The following TAF2 variants were observed in gnomAD, a reference collection of about 807,000 sequenced individuals.
TAF2 encodes transcription initiation factor TFIID subunit 2.
TAF2 carries 61 observed loss-of-function variants against 138.5 expected under a neutral mutation model. That is an observed-to-expected ratio of 0.44 (90% CI 0.36 to 0.54). The LOEUF (loss-of-function observed/expected upper bound fraction) is 0.54, where lower values mean the gene tolerates loss of function less well. TAF2 is among the 20% of genes least tolerant of loss of function. TAF2 has a pLI of 0.00. For synonymous variants in TAF2, 475 were observed against 469.9 expected (o/e 1.01, Z -0.14); for missense variants, 1,090 against 1,427.9 (o/e 0.76, Z 3.81).
At chr8:119,769,171 C>CCTTTT (rs1821653979) in intron 18 of TAF2, among the ~76,000 whole-genome samples, 4 of 152,172 alleles carry the variant, frequency 2.6e-5, no homozygotes, top group African/African-American at 9.7e-5. Context: ...TACCTGGAAG[C>CCTTTT]ACCACCTACT....
intron 20 of TAF2, chr8:119,760,379 T>C (rs1359239872): frequency 3.1e-5 from 15 of 482,404 alleles, no homozygotes; most frequent in African/African-American, 9.9e-5. Context: ...AACTGACTTC[T>C]TGGAAAGGCT....
chr8:119,832,825 T>C lies in TAF2; in HGVS notation c.-261A>G. The C allele has an allele frequency of 2.2e-6, 1 of 451,924 alleles. No individual in the cohort carries two copies. The highest frequency in any genetic ancestry group is 3.9e-6 in the Non-Finnish European group (1 of 253,530). The allele number at this position is 451,924 out of a possible 1,614,324, so 28.0% of individuals were successfully genotyped here. ...GGCTCGAAGCTACCATCCGCCGACA[T>C]CTTGTCTGTAACCTCTGACCTCCGA... On this transcript the variant is annotated 5_prime_UTR_variant, in exon 1 of 26. An upstream start codon of the reference 5' UTR is lost. Coordinates refer to ENST00000378164, the MANE Select transcript of TAF2 (RefSeq NM_003184.4).
Position 119,786,923 on chromosome 8 carries a change from A to C in TAF2, c.1793+1415T>G, listed in dbSNP as rs182695479. 1.1e-3 allele frequency among the ~76,000 whole-genome samples: 174 copies of C among 152,188 alleles called. 1 individual carries two copies. The highest frequency in any genetic ancestry group is 3.9e-3 in the African/African-American group (162 of 41,524). On this transcript the variant is annotated intron_variant, in intron 14 of 25. Transcript: ENST00000378164. ...GTGACAGAGCAAGACTGTCTAAAAA[A>C]ATTAGGTACACCTAAAACCACAAAA... is the stretch of plus-strand genomic sequence containing the variant.
At chr8:119,778,842 T>G (rs181172125) in intron 17 of TAF2, among the ~76,000 whole-genome samples, 34 of 152,306 alleles carry the variant, frequency 2.2e-4, no homozygotes, top group African/African-American at 7.9e-4. Flanking sequence ...AAAACAAAGC[T>G]AATTAAATGC....
Position 119,744,276 on chromosome 8 carries a change from T to A in TAF2, c.3214+12A>T. On this transcript the variant is annotated intron_variant, in intron 24 of 25. Transcript: ENST00000378164. ...CTCCATCTCCTCAATGATTGCAGAA[T>A]ACTAATCTTACCTGGAGTTGACGGC... The A allele has an allele frequency of 1.9e-6, 3 of 1,610,246 alleles. No individual in the cohort carries two copies. In the East Asian group the frequency reaches 6.7e-5, roughly 36 times the overall value.
intron 25 of TAF2, among the ~76,000 whole-genome samples, chr8:119,735,534 A>C (rs967525615): frequency 6.6e-6 from 1 of 152,206 alleles, no homozygotes; most frequent in Non-Finnish European, 1.5e-5. Flanking sequence ...AACAAATCAA[A>C]GTTTCTGTGC....
intron 2 of TAF2, among the ~76,000 whole-genome samples, chr8:119,821,062 T>C (rs183182978): frequency 1.3e-5 from 2 of 152,308 alleles, no homozygotes; most frequent in Admixed American, 1.3e-4. Flanking sequence ...GGGTGGGACA[T>C]AAGAACAGCA....
rs189646223 is a variant in TAF2, at chr8:119,794,513, A to C, written c.1191+1019T>G. Among the ~76,000 whole-genome samples the C allele has an allele frequency of 1.9e-3, 282 of 152,334 alleles. 2 individuals carry two copies. Among genetic ancestry groups the C allele is most frequent in the African/African-American group, 6.4e-3 (267 of 41,578 alleles). Reference sequence around the variant, plus strand: ...AAAAGTGGCAAACAGCATAGAGAAGAAACTAAAAGCCAAGCTGGAATCCTG... The same window carrying C: ...AAAAGTGGCAAACAGCATAGAGAAGCAACTAAAAGCCAAGCTGGAATCCTG... On this transcript the variant is annotated intron_variant, in intron 9 of 25. Coordinates refer to ENST00000378164, the MANE Select transcript of TAF2 (RefSeq NM_003184.4).
intron 22 of TAF2, among the ~76,000 whole-genome samples, chr8:119,754,998 CAT>C (rs1272374159): frequency 2.0e-5 from 3 of 152,186 alleles, no homozygotes; most frequent in Non-Finnish European, 4.4e-5. Flanking sequence ...TTGAGTATTT[CAT>C]ATGAGCCAGA....
chr8:119,803,304 C>T (rs1200717087), intron 5 of TAF2, among the ~76,000 whole-genome samples: 2 of 151,998 alleles, frequency 1.3e-5, no homozygotes, highest in Non-Finnish European at 2.9e-5. Context: ...GTATGTTTTA[C>T]TTCAATATAA....
rs1311267175 is a variant in TAF2 at position 119,731,078 on chromosome 8, T to TTGTGTCA, written c.*839_*845dup. 6.6e-6 allele frequency: 1 copy of TTGTGTCA among 152,174 alleles called. No homozygotes were observed. The highest frequency in any genetic ancestry group is 2.4e-5 in the African/African-American group (1 of 41,450). The allele number at this position is 152,174 out of a possible 1,614,324, so 9.4% of individuals were successfully genotyped here. A position where few individuals can be genotyped will look rare whatever the true frequency, so the allele number is the denominator to read the frequency against. On this transcript the variant is annotated 3_prime_UTR_variant, in exon 26 of 26. Coordinates refer to ENST00000378164, the MANE Select transcript of TAF2 (RefSeq NM_003184.4). ...CTCACCTTTTTAAAGGTATCATACT[T>TTGTGTCA]TGTGTCATATAGAAATAATTTTGGA... is the stretch of plus-strand genomic sequence containing the variant.
chr8:119,816,408 T>C (rs1825480801), intron 3 of TAF2, among the ~76,000 whole-genome samples: 1 of 152,110 alleles, frequency 6.6e-6, no homozygotes, highest in Admixed American at 6.6e-5. Context: ...ACCTTAACTT[T>C]AAAACAAATA....
rs779969737 is a variant in TAF2 at position 119,832,611 on chromosome 8, G to C, written c.-47C>G. 47 of 1,567,570 alleles carry C rather than the reference G, an allele frequency of 3.0e-5. No individual in the cohort carries two copies. The highest frequency in any genetic ancestry group is 1.0e-5 in the Non-Finnish European group (12 of 1,144,976). ...GCTTCCCGGCTTCCTAGGGGGATACGGGGCATTACTAGTCTTTGGCACCTC... is the reference window on the plus strand; with the variant it reads ...GCTTCCCGGCTTCCTAGGGGGATACCGGGCATTACTAGTCTTTGGCACCTC... On this transcript the variant is annotated 5_prime_UTR_variant, in exon 1 of 26. Transcript: ENST00000378164.
intron 25 of TAF2, among the ~76,000 whole-genome samples, chr8:119,740,864 C>G (rs890956789): frequency 3.9e-5 from 6 of 151,972 alleles, no homozygotes; most frequent in African/African-American, 7.3e-5. Context: ...GAGTACTGAA[C>G]AGCAAAAACA....
At chr8:119,781,651 C>T (rs917293406) in intron 16 of TAF2, among the ~76,000 whole-genome samples, 2 of 151,798 alleles carry the variant, frequency 1.3e-5, no homozygotes, top group Non-Finnish European at 1.5e-5. Context: ...CACCATCGCA[C>T]TCCACCCTGG....
At position 119,762,417 on chromosome 8, in the gene TAF2, G is replaced by C. The variant is rs763778109; in HGVS notation, c.2556C>G (p.Val852=). 14 of 1,612,114 alleles carry C rather than the reference G, an allele frequency of 8.7e-6. No individual in the cohort carries two copies. The African/African-American group carries it at 1.7e-4, about 20-fold the overall frequency. ...LLPSYRHTIT[V]SCLRAIRVLQ... is the part of the protein sequence containing the mutation. ...TAAAGTAAGGAATTTAATCATACCT[G>C]ACAGTGATGGTATGCCTGTAACTCG... Residue 852 remains valine, a splice_region_variant and synonymous_variant, in exon 19 of 26, where the codon GTC becomes GTG. Transcript: ENST00000378164.
intron 3 of TAF2, among the ~76,000 whole-genome samples, chr8:119,814,149 G>A (rs1331937384): frequency 6.6e-6 from 1 of 151,642 alleles, no homozygotes; most frequent in Non-Finnish European, 1.5e-5. Context: ...AAAAAATTAA[G>A]AAAAACATAT....
intron 25 of TAF2, among the ~76,000 whole-genome samples, chr8:119,739,744 T>C (rs1003191246): frequency 6.7e-6 from 1 of 150,334 alleles, no homozygotes; most frequent in African/African-American, 2.5e-5. Flanking sequence ...AGGAACAGCA[T>C]AAATGAGTAA....
chr8:119,741,434 A>G (rs1819596622), intron 25 of TAF2, among the ~76,000 whole-genome samples: 1 of 152,244 alleles, frequency 6.6e-6, no homozygotes, highest in African/African-American at 2.4e-5. Context: ...CAAAACCAAA[A>G]GAATACAAAA....
Sources: gnomAD v4.1 joint callset for allele counts (sites outside exome capture counted in the v4.1 genomes callset) on GRCh38, gnomAD v4.1.1 for gene constraint, MANE v1.5 for transcripts, NCBI Gene and HGNC (gene_info 2026-07-23, HGNC 2026-07-21) for gene names.